The following SGK1 variants were observed in gnomAD, a reference collection of about 807,000 sequenced individuals.
SGK1 encodes the protein serine/threonine-protein kinase Sgk1.
SGK1 carries 26 observed loss-of-function variants against 64.2 expected under a neutral mutation model. That is an observed-to-expected ratio of 0.40 (90% confidence interval 0.30 to 0.56). The LOEUF (loss-of-function observed/expected upper bound fraction) is 0.56. Among genes scored for constraint, SGK1 ranks in the 20% least tolerant of loss-of-function variants. SGK1 has a pLI of 0.38. For missense variants in SGK1, 519 were observed against 645.6 expected (o/e 0.80, Z 2.12); for synonymous variants, 265 against 239.7 (o/e 1.11, Z -0.98).
At chr6:134,262,179 A>G in intron 1 of SGK1, 31 bp from the exon 2 acceptor site, 1 of 1,473,726 alleles carries the variant, frequency 6.8e-7, no homozygotes, top group Non-Finnish European at 9.2e-7. Context: ...GAAAAAACAA[A>G]TGTGTTTGAC....
intron 2 of SGK1, among the ~76,000 whole-genome samples, chr6:134,258,868 G>C (rs945337873): frequency 2.0e-5 from 3 of 152,054 alleles, no homozygotes; most frequent in Non-Finnish European, 4.4e-5. Flanking sequence ...GGGGCGTGTA[G>C]TCCCAGCTAC....
At position 134,241,048 on chromosome 6, in the gene SGK1, C is replaced by CTTTTTTTTTT. The variant is rs10686058; in HGVS notation, c.285+20875_285+20884dup. ...CTGAAGATGTTTCTTTTCTTTTTTT[C>CTTTTTTTTTT]TTTTTTTTTTTTTTTTTTTGAGACA... On this transcript the variant is annotated intron_variant, in intron 2 of 13. Transcript: ENST00000367858. Among the ~76,000 whole-genome samples, 36 of 74,064 alleles carry CTTTTTTTTTT rather than the reference C, an allele frequency of 4.9e-4. 1 individual carries two copies. Among genetic ancestry groups the CTTTTTTTTTT allele is most frequent in the African/African-American group, 1.0e-3 (30 of 28,942 alleles). The allele number at this position is 74,064 out of a possible 152,430, so 48.6% of individuals were successfully genotyped here. A position where few individuals can be genotyped will look rare whatever the true frequency, so the allele number is the denominator to read the frequency against.
At chr6:134,192,249 G>T (rs1775526557) in intron 3 of SGK1, among the ~76,000 whole-genome samples, 1 of 151,888 alleles carries the variant, frequency 6.6e-6, no homozygotes, top group African/African-American at 2.4e-5. Flanking sequence ...ACAGGCGTGG[G>T]TCACCATGCC....
intron 11 of SGK1, 122 bp downstream of exon 11, chr6:134,171,515 C>A: frequency 1.5e-6 from 1 of 672,316 alleles, no homozygotes; most frequent in Non-Finnish European, 2.6e-6. Flanking sequence ...AACCAATATG[C>A]CTCTTAGCTG....
chr6:134,280,929 C>T (rs1025373494), intron 1 of SGK1, among the ~76,000 whole-genome samples: 1 of 152,030 alleles, frequency 6.6e-6, no homozygotes, highest in African/African-American at 2.4e-5. Flanking sequence ...ATTAGCTGGG[C>T]GTGGTGGTGT....
Position 134,264,730 on chromosome 6 carries a change from C to T in SGK1, c.70-2582G>A, listed in dbSNP as rs146626390. Among the ~76,000 whole-genome samples the T allele has an allele frequency of 9.9e-4, 151 of 152,102 alleles. 2 individuals are homozygous for T. The East Asian group carries it at 0.025, about 25-fold the overall frequency. ...CGATGACAGCTCACTGCAGCCTTAA[C>T]CTCCTAGGCTCAAGCGATCCTCCCA... is the stretch of plus-strand genomic sequence containing the variant. On this transcript the variant is annotated intron_variant, in intron 1 of 13. Coordinates refer to ENST00000367858, the MANE Select transcript of SGK1 (RefSeq NM_001143676.3).
intron 2 of SGK1, among the ~76,000 whole-genome samples, chr6:134,257,536 TACAG>T (rs1400203235): frequency 2.0e-5 from 3 of 152,236 alleles, no homozygotes; most frequent in African/African-American, 7.2e-5. Context: ...ACATATAGAA[TACAG>T]AGTTTAATTT....
At chr6:134,190,747 T>C (rs1775497448) in intron 3 of SGK1, among the ~76,000 whole-genome samples, 1 of 152,214 alleles carries the variant, frequency 6.6e-6, no homozygotes. Context: ...CTATCTCTTC[T>C]TAAAAATAAT....
At chr6:134,301,558 CTTCTCTTCT>C in intron 1 of SGK1, among the ~76,000 whole-genome samples, 1 of 87,704 alleles carries the variant, frequency 1.1e-5, no homozygotes, top group African/African-American at 5.6e-5. Context: ...CTTCTCTTCT[CTTCTCTTCT>C]CTTCTCTTCT....
At chr6:134,264,079 C>T (rs1223652023) in intron 1 of SGK1, among the ~76,000 whole-genome samples, 1 of 151,772 alleles carries the variant, frequency 6.6e-6, no homozygotes, top group Non-Finnish European at 1.5e-5. Flanking sequence ...GATCCAGGCA[C>T]CTTGAATCCA....
chr6:134,206,362 TA>T (rs1562250289), intron 3 of SGK1, among the ~76,000 whole-genome samples: 8 of 6,964 alleles, frequency 1.1e-3, no homozygotes, highest in South Asian at 5.2e-3. Context: ...TATATATATA[TA>T]TATATATATA....
chr6:134,218,983 G>C (rs76745413), intron 2 of SGK1, among the ~76,000 whole-genome samples: 1 of 150,814 alleles, frequency 6.6e-6, no homozygotes, highest in Non-Finnish European at 1.5e-5. Flanking sequence ...CTGTTTTTTT[G>C]TTTTTGTTTT....
chr6:134,229,053 G>C (rs1054060856), intron 2 of SGK1, among the ~76,000 whole-genome samples: 6 of 152,170 alleles, frequency 3.9e-5, no homozygotes, highest in East Asian at 1.9e-4. Flanking sequence ...CCGTGGTCTC[G>C]ATCTCCTGAC....
intron 2 of SGK1, among the ~76,000 whole-genome samples, chr6:134,239,704 C>A (rs1167344662): frequency 6.6e-6 from 1 of 152,200 alleles, no homozygotes; most frequent in Non-Finnish European, 1.5e-5. Flanking sequence ...ATTGAGGGGA[C>A]AAGGTTGCAC....
In SGK1 at chr6:134,169,451, C is replaced by CGTCT. The variant is rs1774935480; in HGVS notation, c.*816_*817insAGAC. 1 of 150,044 alleles carries CGTCT rather than the reference C, an allele frequency of 6.7e-6. No homozygotes were observed. Among genetic ancestry groups the CGTCT allele is most frequent in the Non-Finnish European group, 1.5e-5 (1 of 67,568 alleles). The allele number at this position is 150,044 out of a possible 1,614,324, so 9.3% of individuals were successfully genotyped here. ...ACCCAATGTACAGACGTTCTTTATA[C>CGTCT]AATACATACAATTATCAGGAATGCA... On this transcript the variant is annotated 3_prime_UTR_variant, in exon 14 of 14. Coordinates refer to ENST00000367858, the MANE Select transcript of SGK1 (RefSeq NM_001143676.3).
At chr6:134,258,244 C>A (rs1776712982) in intron 2 of SGK1, among the ~76,000 whole-genome samples, 1 of 151,866 alleles carries the variant, frequency 6.6e-6, no homozygotes, top group East Asian at 1.9e-4. Flanking sequence ...GCTAGGAACA[C>A]AGGAATCCAC....
At chr6:134,198,271 C>G (rs1197597326) in intron 3 of SGK1, among the ~76,000 whole-genome samples, 3 of 152,190 alleles carry the variant, frequency 2.0e-5, no homozygotes, top group Non-Finnish European at 4.4e-5. Flanking sequence ...CATGTGTCCA[C>G]AGATTTTTAC....
At chr6:134,216,098 T>TA (rs1775977437) in intron 2 of SGK1, among the ~76,000 whole-genome samples, 1 of 152,312 alleles carries the variant, frequency 6.6e-6, no homozygotes, top group East Asian at 1.9e-4. Flanking sequence ...TTTCTTTTTA[T>TA]AAAAAAATCA....
chr6:134,255,388 G>T (rs570464981), intron 2 of SGK1, among the ~76,000 whole-genome samples: 14 of 151,664 alleles, frequency 9.2e-5, no homozygotes, highest in Non-Finnish European at 2.9e-5. Context: ...AAATTAAAAG[G>T]TAAGAGATTC....
Sources: allele counts gnomAD v4.1 joint callset (sites outside exome capture counted in the v4.1 genomes callset), GRCh38; gene constraint gnomAD v4.1.1; transcripts MANE v1.5; gene names NCBI Gene and HGNC (gene_info 2026-07-23, HGNC 2026-07-21).